Variants in PHIP observed in about 807,000 individuals in gnomAD.
The protein encoded by PHIP is PHIP subunit of CUL4-Ring ligase complex.
In PHIP, 54 loss-of-function variants were observed where a neutral mutation model predicts 236.8. The ratio of observed to expected loss-of-function variants is 0.23; its 90% CI spans 0.18 to 0.29. The LOEUF (loss-of-function observed/expected upper bound fraction) is 0.29. Ranked by LOEUF, PHIP falls within the 10% of genes least tolerant of loss-of-function variation. The pLI, the probability that PHIP is intolerant of heterozygous loss-of-function variation, is 1.00. For synonymous variants in PHIP, 756 were observed against 718.9 expected (o/e 1.05, Z -0.83); for missense variants, 1,370 against 2,190.8 (o/e 0.63, Z 7.48).
At chr6:78,981,681 A>G (rs749572182) in intron 23 of PHIP, among the ~76,000 whole-genome samples, 9 of 151,974 alleles carry the variant, frequency 5.9e-5, no homozygotes, top group Non-Finnish European at 1.2e-4. Context: ...GCAAACCTCA[A>G]AAGTTCATCA....
intron 4 of PHIP, 109 bp downstream of exon 4, chr6:79,077,339 G>T: frequency 1.9e-6 from 2 of 1,041,300 alleles, no homozygotes; most frequent in Non-Finnish European, 2.9e-6. Flanking sequence ...GGCCTTTGGA[G>T]CTTTCACGTT....
intron 23 of PHIP, among the ~76,000 whole-genome samples, chr6:78,980,922 G>A (rs974951377): frequency 2.1e-4 from 32 of 151,984 alleles, no homozygotes; most frequent in African/African-American, 7.2e-4. Context: ...TATGTTCAAT[G>A]GGGAAGCTAA....
chr6:78,979,781 G>GT (rs1170261550), intron 23 of PHIP, among the ~76,000 whole-genome samples: 8 of 151,696 alleles, frequency 5.3e-5, no homozygotes, highest in African/African-American at 1.2e-4. Context: ...CATTTTACTT[G>GT]TTTTTTTAAA....
intron 32 of PHIP, 149 bp downstream of exon 32, chr6:78,958,326 G>C (rs1766559368): frequency 1.5e-5 from 8 of 527,918 alleles, no homozygotes; most frequent in Non-Finnish European, 2.4e-5. Flanking sequence ...GAGACCTTTA[G>C]ATCTTCAGTC....
At chr6:79,005,666 A>G (rs1770252169) in intron 15 of PHIP, among the ~76,000 whole-genome samples, 1 of 152,070 alleles carries the variant, frequency 6.6e-6, no homozygotes, top group South Asian at 2.1e-4. Context: ...AAATGTTTCC[A>G]GAAGTATAAT....
intron 36 of PHIP, 136 bp downstream of exon 36, chr6:78,947,487 T>C (rs1389208018): frequency 1.8e-6 from 1 of 542,400 alleles, no homozygotes; most frequent in Non-Finnish European, 3.2e-6. Context: ...GTATAATTTC[T>C]TTTTCCAGTA....
chr6:79,067,454 CT>C (rs1562222750), intron 4 of PHIP, among the ~76,000 whole-genome samples: 1 of 152,100 alleles, frequency 6.6e-6, no homozygotes, highest in Admixed American at 6.5e-5. Context: ...CAAAGGTATC[CT>C]TTTTTTAAAA....
intron 15 of PHIP, among the ~76,000 whole-genome samples, chr6:79,004,095 C>G (rs912671566): frequency 2.6e-5 from 4 of 151,994 alleles, no homozygotes; most frequent in African/African-American, 9.7e-5. Context: ...TAAAAGAATA[C>G]CAACTCCCCC....
At chr6:78,976,722 A>AACAG (rs1316932804) in intron 24 of PHIP, among the ~76,000 whole-genome samples, 2 of 147,412 alleles carry the variant, frequency 1.4e-5, no homozygotes, top group African/African-American at 5.0e-5. Context: ...GAAGGACATG[A>AACAG]ACAGACACTT....
At chr6:79,052,652 C>T (rs949137039) in intron 6 of PHIP, among the ~76,000 whole-genome samples, 1 of 152,072 alleles carries the variant, frequency 6.6e-6, no homozygotes, top group Non-Finnish European at 1.5e-5. Flanking sequence ...GTTCTGAAAA[C>T]AAAATTTCAT....
At position 78,970,082 on chromosome 6, in the gene PHIP, G is replaced by A. The variant is rs1250437944; in HGVS notation, c.3089C>T (p.Thr1030Ile). 4 of 1,613,410 alleles carry A rather than the reference G, an allele frequency of 2.5e-6. No individual in the cohort carries two copies. The highest frequency in any genetic ancestry group is 3.4e-6 in the Non-Finnish European group (4 of 1,179,620). The change falls in exon 26 of 40, where the codon ACT becomes ATT. Residue 1030 changes from threonine to isoleucine, a missense_variant. Physicochemically the swap from Thr to Ile is moderately conservative, Grantham distance 89. This residue lies in a region of PHIP where 238 missense variants were observed against 398.5 expected (regional missense o/e 0.60). Coordinates refer to ENST00000275034, the MANE Select transcript of PHIP (RefSeq NM_017934.7). ...CLKLAFLDPD[T>I]GKLTGGSFTM... ...AAATGATCCGCCAGTCAGTTTACCA[G>A]TATCAGGATCTAGAAAAGCAAGTTT...
intron 15 of PHIP, among the ~76,000 whole-genome samples, chr6:79,013,820 T>C (rs1290323817): frequency 6.6e-6 from 1 of 151,718 alleles, no homozygotes; most frequent in African/African-American, 2.4e-5. Flanking sequence ...CTAGTATATA[T>C]ATAGCTCACA....
chr6:79,030,294 T>C (rs978376383), intron 7 of PHIP, among the ~76,000 whole-genome samples: 1 of 152,158 alleles, frequency 6.6e-6, no homozygotes, highest in African/African-American at 2.4e-5. Context: ...AAAGACCTGC[T>C]AAATTTAAAT....
intron 39 of PHIP, among the ~76,000 whole-genome samples, chr6:78,943,048 C>G (rs1773582861): frequency 6.6e-6 from 1 of 151,954 alleles, no homozygotes; most frequent in African/African-American, 2.4e-5. Flanking sequence ...AATTTAAATA[C>G]CAAAGCAGTA....
chr6:78,987,813 G>A lies in PHIP; in HGVS notation c.2460+396C>T, dbSNP rs1355970469. Among the ~76,000 whole-genome samples the A allele has an allele frequency of 2.0e-5, 3 of 152,080 alleles. No individual in the cohort carries two copies. The East Asian group carries it at 5.8e-4, about 29-fold the overall frequency. ...CAGAGATTAAAAACTAACAAAAATT[G>A]TCAAATACTTATTGATTTGTTGTTA... On this transcript the variant is annotated intron_variant, in intron 21 of 39. Transcript: ENST00000275034.
At chr6:78,992,463 T>C (rs1407066549) in intron 19 of PHIP, among the ~76,000 whole-genome samples, 1 of 152,086 alleles carries the variant, frequency 6.6e-6, no homozygotes, top group Non-Finnish European at 1.5e-5. Context: ...ATTGTTTTAC[T>C]GTGCTTTGCA....
rs1016109707 is a variant in PHIP, at chr6:78,997,615, T to C, written c.2018-18A>G. On this transcript the variant is annotated intron_variant, in intron 18 of 39. Coordinates refer to ENST00000275034, the MANE Select transcript of PHIP (RefSeq NM_017934.7). Reference sequence around the variant, plus strand: ...TATGGAGCCTAAGTGAAAAAGTTACTATATTAAGTTCTACTTAGAGATATT... The same window carrying C: ...TATGGAGCCTAAGTGAAAAAGTTACCATATTAAGTTCTACTTAGAGATATT... 9 of 1,587,064 alleles carry C rather than the reference T, an allele frequency of 5.7e-6. No individual in the cohort carries two copies. The highest frequency in any genetic ancestry group is 1.7e-4 in the Middle Eastern group (1 of 5,824).
chr6:79,030,058 T>G (rs1038499446), intron 7 of PHIP, among the ~76,000 whole-genome samples: 2 of 151,864 alleles, frequency 1.3e-5, no homozygotes, highest in Non-Finnish European at 2.9e-5. Context: ...ACGTAAATGG[T>G]GAAAAGGGGC....
chr6:78,942,927 A>G (rs544596289), intron 39 of PHIP, among the ~76,000 whole-genome samples: 1 of 152,360 alleles, frequency 6.6e-6, no homozygotes, highest in South Asian at 2.1e-4. Context: ...TTTCTTAAAA[A>G]GGAATTCAGA....
Sources: gnomAD v4.1 joint callset for allele counts (sites outside exome capture counted in the v4.1 genomes callset) on GRCh38, gnomAD v4.1.1 for gene constraint, gnomAD v4.1.1 regional missense constraint, MANE v1.5 for transcripts, NCBI Gene and HGNC (gene_info 2026-07-23, HGNC 2026-07-21) for gene names.